The following CCDC138 variants were observed in gnomAD, a reference collection of about 807,000 sequenced individuals.
CCDC138 encodes the protein coiled-coil domain-containing protein 138.
In CCDC138, 66 loss-of-function variants were observed where a neutral mutation model predicts 82.3. That is an observed-to-expected ratio of 0.80 (90% confidence interval 0.66 to 0.98). The LOEUF (loss-of-function observed/expected upper bound fraction) is 0.98. CCDC138 is among the 50% of genes least tolerant of loss of function. CCDC138 has a pLI of 0.00. For synonymous variants in CCDC138, 297 were observed against 265.4 expected (o/e 1.12, Z -1.16); for missense variants, 816 against 758.9 (o/e 1.08, Z -0.88).
intron 10 of CCDC138, among the ~76,000 whole-genome samples, chr2:108,829,472 A>G (rs184360791): frequency 6.6e-6 from 1 of 152,338 alleles, no homozygotes; most frequent in East Asian, 1.9e-4. Flanking sequence ...AAAAATAAAC[A>G]TGGTGGCCCA....
chr2:108,800,515 T>G (rs1317060593), intron 6 of CCDC138, among the ~76,000 whole-genome samples: 1 of 148,778 alleles, frequency 6.7e-6, no homozygotes, highest in African/African-American at 2.5e-5. Flanking sequence ...TCCACCTGCC[T>G]CGCCCTCCCA....
chr2:108,853,209 G>C (rs1343986470), intron 12 of CCDC138, among the ~76,000 whole-genome samples: 2 of 152,180 alleles, frequency 1.3e-5, no homozygotes, highest in African/African-American at 4.8e-5. Context: ...CATTGTTTTA[G>C]TCATTGTACT....
chr2:108,811,832 A>G (rs2149820772), intron 7 of CCDC138, among the ~76,000 whole-genome samples: 1 of 152,024 alleles, frequency 6.6e-6, no homozygotes, highest in South Asian at 2.1e-4. Flanking sequence ...GTGTGTACCC[A>G]TTGTTTATCT....
chr2:108,841,004 TTTTG>T lies in CCDC138; in HGVS notation c.1323+1731_1323+1734del, dbSNP rs374254343. Reference sequence around the variant, plus strand: ...TTTTTGTGTTTTTTGTGTGTGTGTTTTTTGTTTGTTTGTTTGTTTGTTTGTTTGT... The same window carrying T: ...TTTTTGTGTTTTTTGTGTGTGTGTTTTTTGTTTGTTTGTTTGTTTGTTTGT... On this transcript the variant is annotated intron_variant, in intron 11 of 14. Transcript: ENST00000295124. 6.3e-3 allele frequency among the ~76,000 whole-genome samples: 949 copies of T among 151,592 alleles called. 2 individuals carry two copies. The highest frequency in any genetic ancestry group is 8.7e-3 in the Non-Finnish European group (589 of 67,852).
chr2:108,814,941 A>C (rs761545172), intron 9 of CCDC138, among the ~76,000 whole-genome samples: 5 of 152,070 alleles, frequency 3.3e-5, no homozygotes, highest in African/African-American at 4.8e-5. Flanking sequence ...TGGCCTGCAG[A>C]TTTTTAAAAA....
At chr2:108,818,830 T>C (rs1371001289) in intron 10 of CCDC138, among the ~76,000 whole-genome samples, 2 of 152,170 alleles carry the variant, frequency 1.3e-5, no homozygotes, top group African/African-American at 2.4e-5. Context: ...CTTTTTTTTT[T>C]TTGTATATTT....
At chr2:108,852,430 A>T (rs537425302) in intron 12 of CCDC138, among the ~76,000 whole-genome samples, 3 of 152,326 alleles carry the variant, frequency 2.0e-5, no homozygotes, top group Non-Finnish European at 4.4e-5. Flanking sequence ...AAATTGTTCT[A>T]TTATAAGGAC....
chr2:108,805,197 T>C lies in CCDC138; in HGVS notation c.855+189T>C, dbSNP rs575729188. On this transcript the variant is annotated intron_variant, in intron 7 of 14. Transcript: ENST00000295124. ...TTAGCTCTTTGGTCTCTTCTCTTTA[T>C]TTGTTCTGGCAACCAACTGACAAAC... Among the ~76,000 whole-genome samples the C allele has an allele frequency of 3.9e-5, 6 of 152,350 alleles. No individual in the cohort carries two copies. The South Asian group carries it at 1.2e-3, about 32-fold the overall frequency.
chr2:108,806,588 A>C (rs1446222956), intron 7 of CCDC138, among the ~76,000 whole-genome samples: 1 of 152,156 alleles, frequency 6.6e-6, no homozygotes, highest in Non-Finnish European at 1.5e-5. Context: ...TCAGTGACCC[A>C]GCTCTGCCAT....
At chr2:108,827,529 G>T (rs899273584) in intron 10 of CCDC138, among the ~76,000 whole-genome samples, 1 of 152,110 alleles carries the variant, frequency 6.6e-6, no homozygotes, top group Admixed American at 6.5e-5. Context: ...CAATAAAAAT[G>T]ATTTTGGCTG....
intron 7 of CCDC138, among the ~76,000 whole-genome samples, chr2:108,808,987 A>G (rs769934787): frequency 2.6e-5 from 4 of 151,938 alleles, no homozygotes; most frequent in Non-Finnish European, 4.4e-5. Context: ...TTTTGGGTTG[A>G]TTTTTGTCTG....
rs183775291 is a variant in CCDC138, at chr2:108,857,788, A to G, written c.1693+818A>G. The stretch of plus-strand genomic sequence containing the variant: ...TATTACTTAAGTGCCTAGATTCCCA[A>G]CTTGTTTCACAGGGATTTTTCTTTT... On this transcript the variant is annotated intron_variant, in intron 13 of 14. Transcript: ENST00000295124. 1.2e-3 allele frequency among the ~76,000 whole-genome samples: 176 copies of G among 152,316 alleles called. 1 individual carries two copies. The highest frequency in any genetic ancestry group is 4.0e-3 in the African/African-American group (168 of 41,572).
chr2:108,801,005 A>G (rs1276096379), intron 6 of CCDC138, among the ~76,000 whole-genome samples: 3 of 54,242 alleles, frequency 5.5e-5, no homozygotes, highest in Admixed American at 2.4e-4. Flanking sequence ...TATGTGCCAC[A>G]TTTTCTTAAT....
chr2:108,846,657 A>G lies in CCDC138; in HGVS notation c.1324-81A>G, dbSNP rs1198503196. ...GCGCTACTGCATTCCAACCTGGGCA[A>G]CAGAGCAAGACTGTGTCTCAAAAAA... On this transcript the variant is annotated intron_variant, in intron 11 of 14. Transcript: ENST00000295124. The G allele has an allele frequency of 5.5e-6, 7 of 1,264,184 alleles. No homozygotes were observed. In the African/African-American group the frequency reaches 6.2e-5, roughly 11 times the overall value. 78.3% of individuals were successfully genotyped at this position (1,264,184 alleles called of 1,614,324 possible).
intron 3 of CCDC138, among the ~76,000 whole-genome samples, chr2:108,790,301 A>G (rs544367704): frequency 1.3e-5 from 2 of 152,294 alleles, no homozygotes; most frequent in Non-Finnish European, 2.9e-5. Context: ...TTTCTTTTTA[A>G]CTGAGTTTTA....
chr2:108,793,244 A>C (rs1201660954), intron 4 of CCDC138, among the ~76,000 whole-genome samples: 1 of 151,826 alleles, frequency 6.6e-6, no homozygotes, highest in Non-Finnish European at 1.5e-5. Flanking sequence ...TGGCCCCTGT[A>C]GTCCCAGCTG....
chr2:108,857,066 C>CTTTTTT lies in CCDC138; in HGVS notation c.1693+122_1693+127dup, dbSNP rs35540493. ...TAACTCCACATATCAGATACTATTGCTTTTTTTTTTTTTTTTTTTTTTTTT... is the reference window on the plus strand; with the variant it reads ...TAACTCCACATATCAGATACTATTGCTTTTTTTTTTTTTTTTTTTTTTTTTTTTTTT... On this transcript the variant is annotated intron_variant, in intron 13 of 14. Coordinates refer to ENST00000295124, the MANE Select transcript of CCDC138 (RefSeq NM_144978.3). 1.2e-3 allele frequency: 54 copies of CTTTTTT among 44,104 alleles called. 5 individuals are homozygous for CTTTTTT. Among genetic ancestry groups the CTTTTTT allele is most frequent in the African/African-American group, 3.3e-3 (27 of 8,090 alleles). The allele number at this position is 44,104 out of a possible 1,614,324, so 2.7% of individuals were successfully genotyped here.
intron 7 of CCDC138, among the ~76,000 whole-genome samples, chr2:108,809,544 T>G (rs1683445799): frequency 6.6e-6 from 1 of 151,874 alleles, no homozygotes; most frequent in African/African-American, 2.4e-5. Context: ...ATCTTTCACT[T>G]CCTTGGTTAA....
At chr2:108,790,111 G>T (rs943368935) in intron 3 of CCDC138, among the ~76,000 whole-genome samples, 15 of 152,016 alleles carry the variant, frequency 9.9e-5, no homozygotes, top group African/African-American at 3.6e-4. Flanking sequence ...ACTTTGAACA[G>T]TTCTGGGTAA....
Sources: allele counts gnomAD v4.1 joint callset (sites outside exome capture counted in the v4.1 genomes callset), GRCh38; gene constraint gnomAD v4.1.1; transcripts MANE v1.5; gene names NCBI Gene and HGNC (gene_info 2026-07-23, HGNC 2026-07-21).